The following ABI3BP variants were observed in gnomAD, a reference collection of about 807,000 sequenced individuals.
ABI3BP encodes the protein target of Nesh-SH3.
ABI3BP carries 216 observed loss-of-function variants against 268.6 expected under a neutral mutation model. That is an observed-to-expected ratio of 0.80 (90% CI 0.72 to 0.90). ABI3BP has a LOEUF of 0.90. Ranked by LOEUF, ABI3BP falls within the 40% of genes least tolerant of loss-of-function variation. The pLI is 0.00. For synonymous variants in ABI3BP, 730 were observed against 730.0 expected (o/e 1.00, Z 0.00); for missense variants, 2,090 against 2,182.4 (o/e 0.96, Z 0.84).
At chr3:100,899,367 T>A (rs1355202835) in intron 3 of ABI3BP, among the ~76,000 whole-genome samples, 1 of 152,242 alleles carries the variant, frequency 6.6e-6, no homozygotes, top group East Asian at 1.9e-4. Flanking sequence ...CCTTATTATC[T>A]AGATTGTAGG....
chr3:100,914,790 C>T (rs2058042878), intron 2 of ABI3BP, among the ~76,000 whole-genome samples: 1 of 152,162 alleles, frequency 6.6e-6, no homozygotes, highest in Non-Finnish European at 1.5e-5. Context: ...CATAATTGAT[C>T]ACCATTTACA....
At chr3:100,887,476 T>C (rs1440036946) in intron 4 of ABI3BP, among the ~76,000 whole-genome samples, 1 of 152,078 alleles carries the variant, frequency 6.6e-6, no homozygotes, top group Non-Finnish European at 1.5e-5. Flanking sequence ...TAACTCCCAG[T>C]GAGCAGGTGA....
At chr3:100,856,727 C>G (rs1167969189) in intron 14 of ABI3BP, among the ~76,000 whole-genome samples, 2 of 152,142 alleles carry the variant, frequency 1.3e-5, no homozygotes, top group African/African-American at 4.8e-5. Flanking sequence ...GGAGGCTTAA[C>G]ACTTATGGCA....
chr3:100,796,883 G>T (rs981990885), intron 51 of ABI3BP, among the ~76,000 whole-genome samples: 2 of 152,056 alleles, frequency 1.3e-5, no homozygotes, highest in Non-Finnish European at 2.9e-5. Flanking sequence ...AAGTACAAAA[G>T]TGGCTACAAA....
chr3:100,919,936 T>C (rs2059748215), intron 2 of ABI3BP, among the ~76,000 whole-genome samples: 1 of 152,180 alleles, frequency 6.6e-6, no homozygotes, highest in Non-Finnish European at 1.5e-5. Context: ...CAGTCAGCTT[T>C]GACACAGGAT....
chr3:100,902,583 A>C (rs750768774), intron 3 of ABI3BP, 35 bp downstream of exon 3: 2 of 1,602,888 alleles, frequency 1.2e-6, no homozygotes, highest in African/African-American at 2.7e-5. Flanking sequence ...TTCAAAGTTC[A>C]TAAAAGAAAA....
intron 66 of ABI3BP, 41 bp from the exon 67 acceptor site, chr3:100,751,715 A>T: frequency 2.0e-6 from 3 of 1,531,644 alleles, no homozygotes; most frequent in Middle Eastern, 1.7e-4. Context: ...TTACTTTCTT[A>T]CTTTGAAATG....
intron 51 of ABI3BP, among the ~76,000 whole-genome samples, chr3:100,800,486 A>G (rs1198642333): frequency 6.6e-6 from 1 of 152,100 alleles, no homozygotes; most frequent in Admixed American, 6.5e-5. Context: ...TTTCTCAGCT[A>G]TATGGAGCAC....
At chr3:100,819,947 C>CAAAAAAAAAA (rs3029879) in intron 40 of ABI3BP, among the ~76,000 whole-genome samples, 4 of 94,622 alleles carry the variant, frequency 4.2e-5, no homozygotes, top group Non-Finnish European at 6.5e-5. Flanking sequence ...GACTCCGTCT[C>CAAAAAAAAAA]AAAAAAAAAA....
intron 1 of ABI3BP, among the ~76,000 whole-genome samples, chr3:100,966,103 T>C (rs1000194909): frequency 1.3e-5 from 2 of 152,232 alleles, no homozygotes; most frequent in Non-Finnish European, 2.9e-5. Flanking sequence ...AGCCTGAGAA[T>C]GTCTCTGTTC....
At chr3:100,830,090 T>TATACATACATAC (rs1309502224) in intron 32 of ABI3BP, among the ~76,000 whole-genome samples, 1 of 91,556 alleles carries the variant, frequency 1.1e-5, no homozygotes, top group Non-Finnish European at 2.1e-5. Context: ...GCTATATACA[T>TATACATACATAC]ATACATACAT....
chr3:100,849,968 T>C, intron 17 of ABI3BP, 77 bp downstream of exon 17: 1 of 1,287,674 alleles, frequency 7.8e-7, no homozygotes, highest in East Asian at 2.5e-5. Flanking sequence ...AAAACAAAAT[T>C]CTGAAATGGC....
intron 1 of ABI3BP, among the ~76,000 whole-genome samples, chr3:100,957,702 G>A (rs538786760): frequency 6.6e-6 from 1 of 152,294 alleles, no homozygotes; most frequent in South Asian, 2.1e-4. Context: ...CCAGGCAAAT[G>A]AGGAAACTTG....
At chr3:100,967,273 G>A (rs1185375284) in intron 1 of ABI3BP, among the ~76,000 whole-genome samples, 2 of 151,856 alleles carry the variant, frequency 1.3e-5, no homozygotes, top group African/African-American at 4.8e-5. Flanking sequence ...AGGCTGAGGC[G>A]GGTGGATCAC....
intron 8 of ABI3BP, 53 bp from the exon 9 acceptor site, chr3:100,874,986 T>G: frequency 1.9e-6 from 2 of 1,064,248 alleles, no homozygotes; most frequent in Non-Finnish European, 2.8e-6. Context: ...CATCATGACA[T>G]AAAATGAAGC....
chr3:100,934,192 C>T (rs2153680004), intron 1 of ABI3BP, among the ~76,000 whole-genome samples: 1 of 150,984 alleles, frequency 6.6e-6, no homozygotes, highest in East Asian at 2.0e-4. Context: ...TGCTTGTGTT[C>T]TCATTGTCCA....
chr3:100,924,968 A>G (rs991883492), intron 2 of ABI3BP, among the ~76,000 whole-genome samples: 1 of 152,170 alleles, frequency 6.6e-6, no homozygotes, highest in African/African-American at 2.4e-5. Flanking sequence ...GCTTCCGGTC[A>G]CTTTTTATAC....
intron 9 of ABI3BP, among the ~76,000 whole-genome samples, chr3:100,871,678 G>T: frequency 6.6e-6 from 1 of 152,280 alleles, no homozygotes; most frequent in African/African-American, 2.4e-5. Flanking sequence ...CATCACGAAT[G>T]TGAGGCTTCC....
chr3:100,798,592 C>T (rs2097426533), intron 51 of ABI3BP, among the ~76,000 whole-genome samples: 2 of 151,786 alleles, frequency 1.3e-5, no homozygotes, highest in Admixed American at 6.6e-5. Context: ...ATTATATTAA[C>T]CAACTTATAC....
Sources: gnomAD v4.1 joint callset for allele counts (sites outside exome capture counted in the v4.1 genomes callset) on GRCh38, gnomAD v4.1.1 for gene constraint, MANE v1.5 for transcripts, NCBI Gene and HGNC (gene_info 2026-07-23, HGNC 2026-07-21) for gene names.